Variants in SLC29A3 observed in about 807,000 individuals in gnomAD.
SLC29A3 encodes the protein solute carrier family 29 member 3.
In SLC29A3, 18 loss-of-function variants were observed where a neutral mutation model predicts 25.4. The ratio of observed to expected loss-of-function variants is 0.71; its 90% CI spans 0.49 to 1.05. SLC29A3 has a LOEUF of 1.05. Among genes scored for constraint, SLC29A3 ranks in the 50% least tolerant of loss-of-function variants. The pLI, the probability that SLC29A3 is intolerant of heterozygous loss-of-function variation, is 0.00. For missense variants in SLC29A3, 586 were observed against 609.0 expected (o/e 0.96, Z 0.40); for synonymous variants, 258 against 267.1 (o/e 0.97, Z 0.33).
chr10:71,358,139 C>T (rs1048207046), intron 5 of SLC29A3, among the ~76,000 whole-genome samples: 6 of 152,200 alleles, frequency 3.9e-5, no homozygotes, highest in African/African-American at 9.7e-5. Context: ...TGGTGAGTCA[C>T]GGCAGGACTG....
At chr10:71,372,091 G>A (rs1847215875) in intron 3 of SLC29A3, among the ~76,000 whole-genome samples, 1 of 152,184 alleles carries the variant, frequency 6.6e-6, no homozygotes, top group South Asian at 2.1e-4. Context: ...ATCGGTCACA[G>A]GATGCAAGAG....
intron 4 of SLC29A3, chr10:71,352,742 G>A (rs1161670483): frequency 2.0e-5 from 3 of 152,426 alleles, no homozygotes; most frequent in Middle Eastern, 6.8e-3. Context: ...ATGTTGATGA[G>A]CCTGTTCCGG....
intron 2 of SLC29A3, among the ~76,000 whole-genome samples, chr10:71,326,630 G>A (rs1350942243): frequency 6.6e-6 from 1 of 152,200 alleles, no homozygotes; most frequent in Non-Finnish European, 1.5e-5. Context: ...CCAGGTCCCC[G>A]GGATCAAGCA....
intron 2 of SLC29A3, among the ~76,000 whole-genome samples, chr10:71,333,923 A>G (rs6480513): frequency 0.59 from 89,110 of 152,006 alleles, 28,992 homozygotes; most frequent in African/African-American, 0.89. Flanking sequence ...AGAGTACATG[A>G]GGGGAATAAA....
chr10:71,345,120 G>GGGCA (rs1846532402), intron 3 of SLC29A3, among the ~76,000 whole-genome samples: 2 of 152,166 alleles, frequency 1.3e-5, no homozygotes. Flanking sequence ...AGAGGAGAGA[G>GGGCA]GGCACCACGA....
chr10:71,326,822 G>GTGCAGATGT (rs1445335180), intron 2 of SLC29A3, among the ~76,000 whole-genome samples: 1 of 152,220 alleles, frequency 6.6e-6, no homozygotes, highest in Admixed American at 6.5e-5. Context: ...CAGCTGCCCG[G>GTGCAGATGT]AGCTCCTGGC....
chr10:71,347,747 C>T (rs1011068040), intron 3 of SLC29A3, among the ~76,000 whole-genome samples: 2 of 152,156 alleles, frequency 1.3e-5, no homozygotes, highest in African/African-American at 4.8e-5. Context: ...GAGGAGGGGA[C>T]AGAGCAGCGT....
chr10:71,339,695 A>G (rs1219903939), intron 2 of SLC29A3, among the ~76,000 whole-genome samples: 1 of 151,986 alleles, frequency 6.6e-6, no homozygotes, highest in Non-Finnish European at 1.5e-5. Flanking sequence ...ACTGGTGGGG[A>G]AGCATCCCTT....
At chr10:71,334,312 G>A (rs563831989) in intron 2 of SLC29A3, among the ~76,000 whole-genome samples, 3 of 152,212 alleles carry the variant, frequency 2.0e-5, no homozygotes, top group African/African-American at 4.8e-5. Context: ...TGGGCTGACC[G>A]AAGGCCGACC....
rs1454056330 is a variant in SLC29A3, at chr10:71,322,841, G to A, written c.87G>A (p.Glu29=). 6.2e-7 allele frequency: 1 copy of A among 1,614,218 alleles called. No individual in the cohort carries two copies. Among genetic ancestry groups the A allele is most frequent in the Non-Finnish European group, 8.5e-7 (1 of 1,180,042 alleles). ...GCAGCAGTCTCCGAGCTGACCAGGA[G>A]GCACTGCTTGAGAAGCTGCTGGACC... ...TTSSSLRADQ[E]ALLEKLLDRP... The change falls in exon 2 of 6, where the codon GAG becomes GAA. Residue 29 remains glutamate, a synonymous_variant. Coordinates refer to ENST00000373189, the MANE Select transcript of SLC29A3 (RefSeq NM_018344.6).
intron 2 of SLC29A3, among the ~76,000 whole-genome samples, chr10:71,325,456 G>A (rs902884847): frequency 1.3e-5 from 2 of 152,144 alleles, no homozygotes; most frequent in African/African-American, 4.8e-5. Context: ...TACCAATGCG[G>A]GCCACGCCCC....
rs1344435926 is a variant in SLC29A3, at chr10:71,363,287, G to A, written c.*679G>A. On this transcript the variant is annotated 3_prime_UTR_variant, in exon 6 of 6. Coordinates refer to ENST00000373189, the MANE Select transcript of SLC29A3 (RefSeq NM_018344.6). ...AAAAGAGGGATCCTCATGACCTGGTGGTCTATGGCCTGGGTCAAGATGAGG... is the reference window on the plus strand; with the variant it reads ...AAAAGAGGGATCCTCATGACCTGGTAGTCTATGGCCTGGGTCAAGATGAGG... The A allele has an allele frequency of 2.2e-6, 1 of 454,062 alleles. No homozygotes were observed. The highest frequency in any genetic ancestry group is 4.4e-6 in the Non-Finnish European group (1 of 226,788). The allele number at this position is 454,062 out of a possible 1,614,324, so 28.1% of individuals were successfully genotyped here.
At chr10:71,381,325 T>A (rs142985099) in exon 5 of SLC29A3, 2 of 152,236 alleles carry the variant, frequency 1.3e-5, no homozygotes, top group African/African-American at 4.8e-5. Context: ...TCTTCTCAAT[T>A]TTCCTGTGAA....
At chr10:71,357,097 C>T (rs1490452405) in intron 5 of SLC29A3, among the ~76,000 whole-genome samples, 1 of 151,802 alleles carries the variant, frequency 6.6e-6, no homozygotes, top group Non-Finnish European at 1.5e-5. Flanking sequence ...CCAGGTGTGC[C>T]ACCACACCCA....
chr10:71,359,247 G>C (rs1192967828), intron 5 of SLC29A3, among the ~76,000 whole-genome samples: 2 of 152,140 alleles, frequency 1.3e-5, no homozygotes, highest in Non-Finnish European at 2.9e-5. Flanking sequence ...TAAAACTAGG[G>C]TCTGGATCTG....
chr10:71,360,557 T>G (rs770843355), intron 5 of SLC29A3, among the ~76,000 whole-genome samples: 14 of 152,234 alleles, frequency 9.2e-5, no homozygotes, highest in Non-Finnish European at 1.9e-4. Context: ...GGCAAGTTAC[T>G]TCAGTTAGGG....
At chr10:71,344,130 G>A in intron 2 of SLC29A3, 79 bp from the exon 3 acceptor site, 2 of 1,138,758 alleles carry the variant, frequency 1.8e-6, no homozygotes, top group Non-Finnish European at 2.7e-6. Context: ...CACAGAGAGG[G>A]GCCCTGTCTC....
intron 2 of SLC29A3, among the ~76,000 whole-genome samples, chr10:71,334,944 C>G (rs1164337078): frequency 1.4e-4 from 21 of 145,472 alleles, no homozygotes; most frequent in Non-Finnish European, 4.5e-5. Flanking sequence ...TTGCTGTTGA[C>G]TCTTTTTTTT....
rs76511696 is a variant in SLC29A3, at chr10:71,335,755, G to C, written c.301-8454G>C. Among the ~76,000 whole-genome samples the C allele has an allele frequency of 4.4e-3, 664 of 152,252 alleles. 26 individuals are homozygous for C. The East Asian group carries it at 0.08, about 18-fold the overall frequency. On this transcript the variant is annotated intron_variant, in intron 2 of 5. Coordinates refer to ENST00000373189, the MANE Select transcript of SLC29A3 (RefSeq NM_018344.6). ...AAGGCCTTTGATTTGAGGAGCTTGGGGTTTGGGCTCAGCAGGACCCCCAAG... is the reference window on the plus strand; with the variant it reads ...AAGGCCTTTGATTTGAGGAGCTTGGCGTTTGGGCTCAGCAGGACCCCCAAG...
Sources: gnomAD v4.1 joint callset for allele counts (sites outside exome capture counted in the v4.1 genomes callset) on GRCh38, gnomAD v4.1.1 for gene constraint, MANE v1.5 for transcripts, NCBI Gene and HGNC (gene_info 2026-07-23, HGNC 2026-07-21) for gene names.